Variants in GLRA2 observed in about 807,000 individuals in gnomAD.
GLRA2 encodes glycine receptor subunit alpha-2.
GLRA2 carries 11 observed loss-of-function variants against 31.6 expected under a neutral mutation model. That is an observed-to-expected ratio of 0.35 (90% CI 0.22 to 0.58). The LOEUF is 0.58. Ranked by LOEUF, GLRA2 falls within the 20% of genes least tolerant of loss-of-function variation. The pLI is 0.84. For synonymous variants in GLRA2, 132 were observed against 134.0 expected (o/e 0.99, Z 0.10); for missense variants, 212 against 351.8 (o/e 0.60, Z 3.18).
At chrX:14,528,038 A>T (rs2089201552), upstream of GLRA2, among the ~76,000 whole-genome samples, 1 of 112,575 alleles carries the variant, frequency 8.9e-6, no homozygotes, top group Non-Finnish European at 1.9e-5. Flanking sequence ...ACTGCATTTC[A>T]TCTAAAAAGA....
chrX:14,525,362 C>G (rs1044954073), upstream of GLRA2, among the ~76,000 whole-genome samples: 2 of 111,031 alleles, frequency 1.8e-5, no homozygotes, highest in African/African-American at 3.3e-5. Flanking sequence ...TTCAAAGCTC[C>G]TAAATCTTAC....
intron 7 of GLRA2, among the ~76,000 whole-genome samples, chrX:14,671,930 C>T (rs2091097814): frequency 8.9e-6 from 1 of 112,262 alleles, no homozygotes; most frequent in South Asian, 3.7e-4. Context: ...GGCCTGAAGG[C>T]TGTTACTGGG....
At chrX:14,717,712 C>T (rs1160924230) in intron 8 of GLRA2, among the ~76,000 whole-genome samples, 2 of 97,724 alleles carry the variant, frequency 2.0e-5, no homozygotes, top group Non-Finnish European at 2.0e-5. Flanking sequence ...CTTGGATTTA[C>T]TAGCAACTGG....
chrX:14,726,511 T>A (rs2091930423), intron 8 of GLRA2, among the ~76,000 whole-genome samples: 1 of 112,499 alleles, frequency 8.9e-6, no homozygotes, highest in Non-Finnish European at 1.9e-5. Flanking sequence ...ATAACTATGC[T>A]CAGAAGCATA....
chrX:14,617,540 A>T (rs2090467026), intron 7 of GLRA2, among the ~76,000 whole-genome samples: 1 of 111,786 alleles, frequency 8.9e-6, no homozygotes, highest in African/African-American at 3.3e-5. Context: ...TGGCAAATGC[A>T]GCAAAACTAG....
chrX:14,548,649 G>A (rs1014613543), intron 2 of GLRA2, among the ~76,000 whole-genome samples: 2 of 111,240 alleles, frequency 1.8e-5, no homozygotes, highest in Non-Finnish European at 3.8e-5. Context: ...GCCTAATACC[G>A]AACATGGATG....
chrX:14,628,163 G>T (rs773269839), intron 7 of GLRA2, among the ~76,000 whole-genome samples: 1 of 110,772 alleles, frequency 9.0e-6, no homozygotes, highest in Admixed American at 9.6e-5. Context: ...GGCATAATGG[G>T]GATTACATGA....
At chrX:14,712,002 A>C (rs1473606688) in intron 8 of GLRA2, among the ~76,000 whole-genome samples, 2 of 113,110 alleles carry the variant, frequency 1.8e-5, no homozygotes, top group Non-Finnish European at 3.7e-5. Flanking sequence ...GATACCAACT[A>C]ATGGCCAAAT....
At chrX:14,575,097 A>T (rs778666990) in intron 3 of GLRA2, among the ~76,000 whole-genome samples, 19 of 111,144 alleles carry the variant, frequency 1.7e-4, no homozygotes, top group Non-Finnish European at 3.0e-4. Flanking sequence ...TTCCAAAAAA[A>T]AAAACCCCTA....
chrX:14,719,121 C>A (rs765055893), intron 8 of GLRA2, among the ~76,000 whole-genome samples: 1 of 111,876 alleles, frequency 8.9e-6, no homozygotes, highest in East Asian at 2.8e-4. Flanking sequence ...TAAATGCACA[C>A]CTACAGGAAT....
intron 8 of GLRA2, among the ~76,000 whole-genome samples, chrX:14,704,965 G>C (rs1317066055): frequency 8.9e-6 from 1 of 112,165 alleles, no homozygotes; most frequent in Non-Finnish European, 1.9e-5. Context: ...CCCAGGAAGG[G>C]AGAGTATAGT....
chrX:14,686,576 C>G (rs1381210737), intron 7 of GLRA2, among the ~76,000 whole-genome samples: 5 of 111,453 alleles, frequency 4.5e-5, no homozygotes, highest in Non-Finnish European at 9.4e-5. Context: ...TAATGGCCTT[C>G]TTTTTCTCTT....
At chrX:14,486,729 C>G in the GLRA2 span, among the ~76,000 whole-genome samples, 1 of 111,641 alleles carries the variant, frequency 9.0e-6, no homozygotes, top group African/African-American at 3.3e-5. Context: ...AGTTCTTGAA[C>G]TGTGAGTGAG....
the GLRA2 span, among the ~76,000 whole-genome samples, chrX:14,486,759 C>G: frequency 9.1e-4 from 102 of 111,690 alleles, 1 homozygote; most frequent in East Asian, 0.023. Flanking sequence ...TTAGTCCAAC[C>G]ACTCTAAAAA....
intron 8 of GLRA2, among the ~76,000 whole-genome samples, chrX:14,696,038 G>A (rs988209365): frequency 5.4e-5 from 6 of 110,105 alleles, no homozygotes; most frequent in Admixed American, 9.8e-5. Context: ...CAGGTACTTC[G>A]GTTTAACTAC....
At chrX:14,607,478 C>T in intron 6 of GLRA2, among the ~76,000 whole-genome samples, 1 of 111,154 alleles carries the variant, frequency 9.0e-6, no homozygotes, top group Middle Eastern at 4.6e-3. Context: ...GTAATTTCTC[C>T]AGAACATAGA....
intron 4 of GLRA2, among the ~76,000 whole-genome samples, chrX:14,582,437 G>A (rs1275120078): frequency 1.8e-5 from 2 of 110,157 alleles, no homozygotes; most frequent in African/African-American, 3.3e-5. Flanking sequence ...TGGTGTATAT[G>A]TGCCACATTT....
intron 2 of GLRA2, among the ~76,000 whole-genome samples, chrX:14,561,765 C>T (rs2089736600): frequency 8.9e-6 from 1 of 112,124 alleles, no homozygotes; most frequent in Admixed American, 9.5e-5. Context: ...TACTGATTTT[C>T]CTCTTCTATT....
the GLRA2 span, among the ~76,000 whole-genome samples, chrX:14,500,994 T>C: frequency 9.0e-6 from 1 of 110,529 alleles, no homozygotes; most frequent in African/African-American, 3.3e-5. Flanking sequence ...ACAAGGTTTC[T>C]TTATAAAATT....
Sources: allele counts gnomAD v4.1 joint callset (sites outside exome capture counted in the v4.1 genomes callset), GRCh38; gene constraint gnomAD v4.1.1; transcripts MANE v1.5; gene names NCBI Gene and HGNC (gene_info 2026-07-23, HGNC 2026-07-21).